Variants in MACROD1 observed in about 807,000 individuals in gnomAD.
The protein encoded by MACROD1 is mono-ADP ribosylhydrolase 1.
A neutral mutation model predicts 41.4 loss-of-function variants in MACROD1; 31 were observed. That is an observed-to-expected ratio of 0.75 (90% CI 0.56 to 1.01). The LOEUF is 1.01. Ranked by LOEUF, MACROD1 falls within the 50% of genes least tolerant of loss-of-function variation. MACROD1 has a pLI of 0.00. For synonymous variants in MACROD1, 252 were observed against 203.4 expected, an observed-to-expected ratio of 1.24 and a Z score of -2.03; for missense variants, 473 against 460.0, an observed-to-expected ratio of 1.03 and a Z score of -0.26.
chr11:64,024,953 C>T (rs959032289), intron 3 of MACROD1, among the ~76,000 whole-genome samples: 11 of 152,280 alleles, frequency 7.2e-5, no homozygotes, highest in Middle Eastern at 3.4e-3. Context: ...AAGGAGAAAA[C>T]CAGAAGCTAT....
intron 3 of MACROD1, among the ~76,000 whole-genome samples, chr11:64,049,921 G>A (rs868520721): frequency 5.3e-5 from 8 of 152,132 alleles, no homozygotes; most frequent in Admixed American, 3.9e-4. Context: ...CTGTGGCCCC[G>A]GGGGGGAGGC....
chr11:64,148,165 G>A (rs554870448), intron 3 of MACROD1, among the ~76,000 whole-genome samples: 1 of 152,290 alleles, frequency 6.6e-6, no homozygotes, highest in Non-Finnish European at 1.5e-5. Context: ...CCAGGGCCCT[G>A]CTGAGTGGCA....
chr11:64,114,452 A>G (rs12575401), intron 3 of MACROD1, among the ~76,000 whole-genome samples: 55 of 85,096 alleles, frequency 6.5e-4, no homozygotes, highest in Middle Eastern at 0.011. Context: ...TGGATGGATG[A>G]ATGGATGGAT....
At chr11:64,021,688 C>T (rs1424859055) in intron 3 of MACROD1, among the ~76,000 whole-genome samples, 1 of 151,708 alleles carries the variant, frequency 6.6e-6, no homozygotes, top group African/African-American at 2.4e-5. Flanking sequence ...AGTCACCCAG[C>T]GTCCTGGCCT....
rs1202710236 is a variant in MACROD1 at position 64,146,955 on chromosome 11, C to T, written c.517+4284G>A. Among the ~76,000 whole-genome samples the T allele has an allele frequency of 6.6e-6, 1 of 152,146 alleles. No individual in the cohort carries two copies. Among genetic ancestry groups the T allele is most frequent in the African/African-American group, 2.4e-5 (1 of 41,428 alleles). ...GGCCAAACTCCTGACCTCACACACA[C>T]ACCATCACACACATCCCAATCACAT... On this transcript the variant is annotated intron_variant, in intron 3 of 10. Transcript: ENST00000255681. This position sits in a 1 kb window ranked among gnomAD's most constrained non-coding sequence, Gnocchi z 4.7.
intron 3 of MACROD1, among the ~76,000 whole-genome samples, chr11:64,140,923 C>T (rs1017686686): frequency 6.6e-6 from 1 of 152,114 alleles, no homozygotes; most frequent in African/African-American, 2.4e-5. Flanking sequence ...TCACTTGAGC[C>T]CAGGAGTTTG....
In MACROD1 at chr11:63,999,823, T is replaced by A. The variant is rs557785977; in HGVS notation, c.665-60A>T. The A allele has an allele frequency of 1.1e-4, 174 of 1,549,714 alleles. No homozygotes were observed. The East Asian group carries it at 3.2e-3, about 29-fold the overall frequency. ...CTACGCGGTCCTCAGCTCCCTCGCTTCCCCCTGCCGGCCTGGGCAGAAGGG... is the reference window on the plus strand; with the variant it reads ...CTACGCGGTCCTCAGCTCCCTCGCTACCCCCTGCCGGCCTGGGCAGAAGGG... On this transcript the variant is annotated intron_variant, in intron 5 of 10. Coordinates refer to ENST00000255681, the MANE Select transcript of MACROD1 (RefSeq NM_014067.4).
At chr11:64,086,365 A>G (rs988196749) in intron 3 of MACROD1, among the ~76,000 whole-genome samples, 1 of 151,892 alleles carries the variant, frequency 6.6e-6, no homozygotes, top group African/African-American at 2.4e-5. Flanking sequence ...ACATATGCAT[A>G]TGGTGCCCTT....
intron 4 of MACROD1, among the ~76,000 whole-genome samples, chr11:64,006,708 G>A (rs144474380): frequency 2.0e-5 from 3 of 152,324 alleles, no homozygotes; most frequent in African/African-American, 4.8e-5. Context: ...TTGTGGCCAC[G>A]GGACAGGGGC....
In MACROD1 at chr11:64,157,635, C is replaced by T. The variant is rs147212124; in HGVS notation, c.299-5242G>A. Among the ~76,000 whole-genome samples, 492 of 152,244 alleles carry T rather than the reference C, an allele frequency of 3.2e-3. 1 individual carries two copies. The highest frequency in any genetic ancestry group is 0.01 in the African/African-American group (421 of 41,554). ...CGAAGCTTCCAGCGGCTCCCAGGCA[C>T]GAAAGCCAAGCAGGAGGAAGCAGGC... On this transcript the variant is annotated intron_variant, in intron 1 of 10. Transcript: ENST00000255681.
intron 3 of MACROD1, among the ~76,000 whole-genome samples, chr11:64,017,665 T>C (rs1400865047): frequency 6.6e-6 from 1 of 152,026 alleles, no homozygotes; most frequent in Non-Finnish European, 1.5e-5. Context: ...ATCTGGGCAG[T>C]GCCACCCCAG....
At chr11:64,042,144 C>A (rs1296584330) in intron 3 of MACROD1, among the ~76,000 whole-genome samples, 2 of 152,182 alleles carry the variant, frequency 1.3e-5, no homozygotes, top group Non-Finnish European at 2.9e-5. Flanking sequence ...GCACCACGCT[C>A]ACACCTCTGG....
chr11:64,127,842 C>T (rs2134649727), intron 3 of MACROD1, among the ~76,000 whole-genome samples: 1 of 152,296 alleles, frequency 6.6e-6, no homozygotes, highest in South Asian at 2.1e-4. Context: ...TAGATGTACC[C>T]ATTACACTCA....
chr11:64,091,702 G>A (rs1322784703), intron 3 of MACROD1, among the ~76,000 whole-genome samples: 1 of 152,164 alleles, frequency 6.6e-6, no homozygotes, highest in African/African-American at 2.4e-5. Context: ...GAAGTTGCAC[G>A]AGGGGCCCCA....
chr11:64,053,251 C>T (rs2134417418), intron 3 of MACROD1, among the ~76,000 whole-genome samples: 1 of 152,268 alleles, frequency 6.6e-6, no homozygotes, highest in South Asian at 2.1e-4. Context: ...GCTGGTGCCT[C>T]AGTACACCTT....
rs899846411 is a variant in MACROD1, at chr11:64,041,334, GC to G, written c.518-26054del. Reference sequence around the variant, plus strand: ...TTGCTCTTCTTGAACCATTCCTGCTGCCCCCCACCCCTCCACCCCCCGTGAC... The same window carrying G: ...TTGCTCTTCTTGAACCATTCCTGCTGCCCCCACCCCTCCACCCCCCGTGAC... On this transcript the variant is annotated intron_variant, in intron 3 of 10. Coordinates refer to ENST00000255681, the MANE Select transcript of MACROD1 (RefSeq NM_014067.4). Among the ~76,000 whole-genome samples, 185 of 150,714 alleles carry G rather than the reference GC, an allele frequency of 1.2e-3. 1 individual carries two copies. Among genetic ancestry groups the G allele is most frequent in the African/African-American group, 4.4e-3 (179 of 40,912 alleles).
chr11:64,023,378 TA>T (rs1943182660), intron 3 of MACROD1, among the ~76,000 whole-genome samples: 1 of 151,996 alleles, frequency 6.6e-6, no homozygotes, highest in South Asian at 2.1e-4. Flanking sequence ...TCCTCATCTG[TA>T]GGGGGGGTGA....
chr11:64,035,961 G>A (rs1227779996), intron 3 of MACROD1: 1 of 147,982 alleles, frequency 6.8e-6, no homozygotes, highest in East Asian at 2.0e-4. Context: ...CCGGGCGCCC[G>A]AGCCGGGCAG....
At chr11:64,132,984 T>C (rs977123014) in intron 3 of MACROD1, among the ~76,000 whole-genome samples, 39 of 152,174 alleles carry the variant, frequency 2.6e-4, no homozygotes, top group African/African-American at 9.2e-4. Context: ...CTGCCCCGAG[T>C]CCTGGCCCCA....
Sources: allele counts gnomAD v4.1 joint callset (sites outside exome capture counted in the v4.1 genomes callset), GRCh38; gene constraint gnomAD v4.1.1; non-coding constraint Gnocchi (gnomAD v3.1); transcripts MANE v1.5; gene names NCBI Gene and HGNC (gene_info 2026-07-23, HGNC 2026-07-21).